Variants in THTPA observed in about 807,000 individuals in gnomAD.
THTPA encodes thiamine triphosphatase.
A neutral mutation model predicts 16.5 loss-of-function variants in THTPA; 16 were observed. The observed-to-expected ratio is 0.97, with a 90% confidence interval of 0.66 to 1.47. THTPA has a LOEUF of 1.47. THTPA is among the 40% of genes most tolerant of loss of function. The probability of loss-of-function intolerance (pLI) is 0.00; values close to 1 mark genes in which losing one functional copy is unlikely to be tolerated. For synonymous variants in THTPA, 110 were observed against 115.5 expected (o/e 0.95, Z 0.30); for missense variants, 281 against 280.9 (o/e 1.00, Z 0.00).
chr14:23,549,275 G>A, the THTPA span, among the ~76,000 whole-genome samples: 6 of 151,786 alleles, frequency 4.0e-5, no homozygotes, highest in East Asian at 1.9e-4. Context: ...CATCCCTCAC[G>A]TCATACATTT....
upstream of THTPA, among the ~76,000 whole-genome samples, chr14:23,551,168 C>G (rs368452816): frequency 6.6e-6 from 1 of 151,890 alleles, no homozygotes; most frequent in Non-Finnish European, 1.5e-5. The surrounding 1 kb of genome is among the most constrained non-coding windows in gnomAD (Gnocchi z 5.3). Context: ...TCTGTCTGTC[C>G]GTCCGTCCTT....
At chr14:23,523,585 C>G in the THTPA span, 2 of 1,548,534 alleles carry the variant, frequency 1.3e-6, no homozygotes, top group South Asian at 2.4e-5. This position sits in a 1 kb window ranked among gnomAD's most constrained non-coding sequence, Gnocchi z 4.1. Context: ...CCTTCTTTTC[C>G]TTGGCACGAG....
chr14:23,520,149 C>G, the THTPA span, among the ~76,000 whole-genome samples: 16 of 152,232 alleles, frequency 1.1e-4, no homozygotes, highest in East Asian at 2.3e-3. This position sits in a 1 kb window ranked among gnomAD's most constrained non-coding sequence, Gnocchi z 8.7. Flanking sequence ...AACACCCTAT[C>G]AAAGATTGAC....
the THTPA span, among the ~76,000 whole-genome samples, chr14:23,550,188 A>G: frequency 6.6e-6 from 1 of 152,230 alleles, no homozygotes; most frequent in Non-Finnish European, 1.5e-5. Context: ...ACAGTCAACA[A>G]TGCTAGGAAG....
the THTPA span, chr14:23,532,603 C>G: frequency 6.9e-7 from 1 of 1,452,570 alleles, no homozygotes; most frequent in Non-Finnish European, 9.0e-7. Flanking sequence ...GGGCTGCACC[C>G]CTGGCATGCA....
chr14:23,516,748 C>G, the THTPA span, among the ~76,000 whole-genome samples: 2 of 152,304 alleles, frequency 1.3e-5, no homozygotes, highest in African/African-American at 4.8e-5. Context: ...ACTGCTGATA[C>G]TCAGCAAATG....
chr14:23,523,881 C>T, the THTPA span: 1 of 1,536,208 alleles, frequency 6.5e-7, no homozygotes, highest in Non-Finnish European at 8.7e-7. The surrounding 1 kb of genome is among the most constrained non-coding windows in gnomAD (Gnocchi z 4.1). Flanking sequence ...CTGCAAGCCT[C>T]ACTCTCTGGA....
the THTPA span, chr14:23,524,573 AGTCGGCG>A: frequency 6.5e-7 from 1 of 1,534,632 alleles, no homozygotes; most frequent in Non-Finnish European, 8.7e-7. The surrounding 1 kb of genome is among the most constrained non-coding windows in gnomAD (Gnocchi z 5.6). Flanking sequence ...CAGGAAATGT[AGTCGGCG>A]GTGACTGGTC....
the THTPA span, chr14:23,534,434 C>T: frequency 3.3e-6 from 5 of 1,536,662 alleles, 1 homozygote; most frequent in South Asian, 3.6e-5. This position sits in a 1 kb window ranked among gnomAD's most constrained non-coding sequence, Gnocchi z 4.5. Flanking sequence ...GAGGGGCGAG[C>T]AGGGAGTTTT....
At chr14:23,513,929 A>G in the THTPA span, 3 of 152,676 alleles carry the variant, frequency 2.0e-5, no homozygotes, top group African/African-American at 7.2e-5. Flanking sequence ...GGGAAGTGCC[A>G]AGAAACAGTC....
chr14:23,522,275 TG>T, the THTPA span: 1 of 1,496,760 alleles, frequency 6.7e-7, no homozygotes, highest in Non-Finnish European at 8.9e-7. Flanking sequence ...GGATCTCTGG[TG>T]GGCAGTAGCC....
rs74039346 is a variant in THTPA, at chr14:23,556,296, C to A, written c.-462C>A. 3,918 of 158,290 alleles carry A rather than the reference C, an allele frequency of 0.025. 173 individuals carry two copies. The highest frequency in any genetic ancestry group is 0.085 in the African/African-American group (3,552 of 41,670). The allele number at this position is 158,290 out of a possible 1,614,324, so 9.8% of individuals were successfully genotyped here. A position where few individuals can be genotyped will look rare whatever the true frequency, so the allele number is the denominator to read the frequency against. ...ATTCCTCGCGAGTGTATGGCGTGGG[C>A]TCCCTTCCCCCTCTGTGGGTCCCGC... On this transcript the variant is annotated 5_prime_UTR_variant, in exon 1 of 2. Coordinates refer to ENST00000288014, the MANE Select transcript of THTPA (RefSeq NM_024328.6).
chr14:23,543,784 T>G, the THTPA span: 1 of 152,156 alleles, frequency 6.6e-6, no homozygotes. Context: ...TGTATCCATA[T>G]TAGCATATGA....
the THTPA span, chr14:23,543,812 C>T: frequency 6.6e-6 from 1 of 152,110 alleles, no homozygotes; most frequent in Admixed American, 6.5e-5. Flanking sequence ...CAGACAAGCA[C>T]TCTCCCTCCA....
the THTPA span, chr14:23,526,881 C>T: frequency 6.5e-7 from 1 of 1,533,910 alleles, no homozygotes; most frequent in Non-Finnish European, 8.7e-7. Flanking sequence ...TAGGCTCTGG[C>T]CCATGAGTGG....
chr14:23,524,839 C>T, the THTPA span: 5 of 1,537,004 alleles, frequency 3.3e-6, no homozygotes, highest in East Asian at 4.9e-5. The surrounding 1 kb of genome is among the most constrained non-coding windows in gnomAD (Gnocchi z 5.6). Flanking sequence ...CCTCTTCCTC[C>T]TCCTCTTCAA....
At chr14:23,520,314 C>T in the THTPA span, among the ~76,000 whole-genome samples, 27 of 151,280 alleles carry the variant, frequency 1.8e-4, 1 homozygote, top group South Asian at 4.6e-3. This position sits in a 1 kb window ranked among gnomAD's most constrained non-coding sequence, Gnocchi z 8.7. Context: ...CTGGAGGGAG[C>T]AGGAGCAAGG....
At chr14:23,521,859 G>A in the THTPA span, 1 of 1,489,514 alleles carries the variant, frequency 6.7e-7, no homozygotes, top group South Asian at 1.3e-5. Context: ...GAGGTGGGCG[G>A]GGCCAGGGGG....
At chr14:23,521,752 A>C in the THTPA span, 1 of 830,340 alleles carries the variant, frequency 1.2e-6, no homozygotes. Flanking sequence ...GAGGAGGAGG[A>C]TCAATGTGTG....
Sources: allele counts gnomAD v4.1 joint callset (sites outside exome capture counted in the v4.1 genomes callset), GRCh38; gene constraint gnomAD v4.1.1; non-coding constraint Gnocchi (gnomAD v3.1); transcripts MANE v1.5; gene names NCBI Gene and HGNC (gene_info 2026-07-23, HGNC 2026-07-21).